Variants in YTHDC1 observed in about 807,000 individuals in gnomAD.
YTHDC1 encodes YTH domain-containing protein 1.
A neutral mutation model predicts 107.0 loss-of-function variants in YTHDC1; 12 were observed. The observed-to-expected ratio is 0.11, with a 90% CI of 0.07 to 0.18. The LOEUF is 0.18. YTHDC1 is among the 10% of genes least tolerant of loss of function. The pLI is 1.00. For missense variants in YTHDC1, 635 were observed against 898.8 expected, an observed-to-expected ratio of 0.71 and a Z score of 3.75; for synonymous variants, 280 against 289.5, an observed-to-expected ratio of 0.97 and a Z score of 0.33.
intron 10 of YTHDC1, among the ~76,000 whole-genome samples, chr4:68,323,321 A>G (rs1330203907): frequency 6.6e-6 from 1 of 152,242 alleles, no homozygotes; most frequent in East Asian, 1.9e-4. Context: ...GAAATACATT[A>G]GATTTACCAC....
In YTHDC1 at chr4:68,329,248, C is replaced by A. The variant is rs114306980; in HGVS notation, c.1349+754G>T. Among the ~76,000 whole-genome samples the A allele has an allele frequency of 4.6e-3, 700 of 152,246 alleles. 3 individuals are homozygous for A. Among genetic ancestry groups the A allele is most frequent in the South Asian group, 0.031 (149 of 4,828 alleles). On this transcript the variant is annotated intron_variant, in intron 9 of 16. Coordinates refer to ENST00000344157, the MANE Select transcript of YTHDC1 (RefSeq NM_001031732.4). ...CCATATGCCCTCCCACTGCTCCCCACAACCCTGCAACCCCATAGTTTGTTT... is the reference window on the plus strand; with the variant it reads ...CCATATGCCCTCCCACTGCTCCCCAAAACCCTGCAACCCCATAGTTTGTTT...
chr4:68,327,377 GA>G (rs891146866), intron 9 of YTHDC1, among the ~76,000 whole-genome samples: 15 of 151,892 alleles, frequency 9.9e-5, no homozygotes, highest in African/African-American at 3.6e-4. Flanking sequence ...GCCTTATTTT[GA>G]GCTAATTACA....
Position 68,316,377 on chromosome 4 carries a change from A to G in YTHDC1, c.1896T>C (p.Ala632=). The stretch of plus-strand genomic sequence containing the variant: ...GATGATGTCCTGAGTAAGGGGGATG[A>G]GCTTGAGGAGGTGGAGCATGGTGCT... ...YYQHHAPPPQ[A]HPPYSGHHPV... The change falls in exon 16 of 17, where the codon GCT becomes GCC. Residue 632 remains alanine (A), a synonymous_variant. Transcript: ENST00000344157. 1.2e-6 allele frequency: 2 copies of G among 1,614,054 alleles called. No individual in the cohort carries two copies. The highest frequency in any genetic ancestry group is 1.7e-6 in the Non-Finnish European group (2 of 1,179,952).
rs146059559 is a variant in YTHDC1 at position 68,314,225 on chromosome 4, C to T, written c.2058G>A (p.Glu686=). 9.9e-6 allele frequency: 16 copies of T among 1,613,840 alleles called. No homozygotes were observed. The highest frequency in any genetic ancestry group is 1.4e-5 in the Non-Finnish European group (16 of 1,179,910). The change falls in exon 17 of 17, where the codon GAG becomes GAA. Residue 686 remains glutamate (E), a synonymous_variant. Transcript: ENST00000344157. Reference sequence around the variant, plus strand: ...GTCTGTTATCTCTAGGGCGGTCTCGCTCTCGTTCCCGGTCTCTTTCACGGG... The same window carrying T: ...GTCTGTTATCTCTAGGGCGGTCTCGTTCTCGTTCCCGGTCTCTTTCACGGG... ...SRPRERDRER[E]RDRPRDNRRD...
chr4:68,327,873 A>G (rs1723168214), intron 9 of YTHDC1, among the ~76,000 whole-genome samples: 1 of 152,202 alleles, frequency 6.6e-6, no homozygotes. Context: ...TTACACTTGA[A>G]TAGAACTTGA....
Position 68,316,342 on chromosome 4 carries a change from T to C in YTHDC1, c.1931A>G (p.His644Arg). 1 of 1,613,768 alleles carries C rather than the reference T, an allele frequency of 6.2e-7. No individual in the cohort carries two copies. Among genetic ancestry groups the C allele is most frequent in the Non-Finnish European group, 8.5e-7 (1 of 1,179,792 alleles). The change falls in exon 16 of 17, where the codon CAT (histidine) becomes CGT (arginine). Residue 644 changes from histidine to arginine, a missense_variant. Physicochemically the swap from His to Arg is conservative, Grantham distance 29. Coordinates refer to ENST00000344157, the MANE Select transcript of YTHDC1 (RefSeq NM_001031732.4). ...TCGTTTATCTCTGTATCTTGCTTCA[T>C]GTGGTACTGGATGATGTCCTGAGTA... ...PPYSGHHPVP[H>R]EARYRDKRVH...
intron 1 of YTHDC1, 130 bp downstream of exon 1, chr4:68,349,593 GGGC>G: frequency 7.5e-7 from 1 of 1,332,648 alleles, no homozygotes; most frequent in Non-Finnish European, 1.0e-6. Context: ...GTCTCGGTGG[GGGC>G]CACCGGCTCC....
intron 7 of YTHDC1, among the ~76,000 whole-genome samples, chr4:68,331,880 T>C (rs1723619743): frequency 6.6e-6 from 1 of 151,192 alleles, no homozygotes; most frequent in Non-Finnish European, 1.5e-5. Flanking sequence ...GCCTTCAACA[T>C]TTAATATTCT....
At position 68,312,806 on chromosome 4, in the gene YTHDC1, G is replaced by A. The variant is rs1001755411; in HGVS notation, c.*1293C>T. 1 of 151,984 alleles carries A rather than the reference G, an allele frequency of 6.6e-6. No individual in the cohort carries two copies. The highest frequency in any genetic ancestry group is 2.1e-4 in the South Asian group (1 of 4,820). The allele number at this position is 151,984 out of a possible 1,614,324, so 9.4% of individuals were successfully genotyped here. A position where few individuals can be genotyped will look rare whatever the true frequency, so the allele number is the denominator to read the frequency against. On this transcript the variant is annotated 3_prime_UTR_variant, in exon 17 of 17. Coordinates refer to ENST00000344157, the MANE Select transcript of YTHDC1 (RefSeq NM_001031732.4). ...TCAAATATTCCTAATGTTTATAAAG[G>A]CCAAATTCCAAAGGCCAAAACTCCA...
intron 9 of YTHDC1, 76 bp from the exon 10 acceptor site, chr4:68,324,299 T>A: frequency 7.8e-7 from 1 of 1,287,874 alleles, no homozygotes; most frequent in Non-Finnish European, 1.1e-6. Flanking sequence ...AGTAGTGAAT[T>A]CCTGTATTAA....
intron 4 of YTHDC1, 92 bp downstream of exon 4, chr4:68,336,935 A>G: frequency 6.8e-7 from 1 of 1,460,856 alleles, no homozygotes; most frequent in Non-Finnish European, 9.1e-7. Context: ...AATATCCCCC[A>G]TCTCCTCAAC....
intron 9 of YTHDC1, among the ~76,000 whole-genome samples, chr4:68,328,877 A>G (rs190244858): frequency 1.0e-3 from 152 of 152,354 alleles, no homozygotes; most frequent in Middle Eastern, 3.4e-3. Context: ...TCTGCACAGC[A>G]TGTTACTGTA....
At chr4:68,334,383 C>G (rs1024074770) in intron 4 of YTHDC1, among the ~76,000 whole-genome samples, 6 of 152,044 alleles carry the variant, frequency 3.9e-5, no homozygotes, top group African/African-American at 1.5e-4. Context: ...ATTCTCATAA[C>G]AAGTTCACAA....
rs1415390662 is a variant in YTHDC1 at position 68,313,965 on chromosome 4, G to T, written c.*134C>A. The T allele has an allele frequency of 4.3e-6, 4 of 929,314 alleles. No individual in the cohort carries two copies. Among genetic ancestry groups the T allele is most frequent in the Non-Finnish European group, 6.6e-6 (4 of 609,312 alleles). 57.6% of individuals were successfully genotyped at this position (929,314 alleles called of 1,614,324 possible). A position where few individuals can be genotyped will look rare whatever the true frequency, so the allele number is the denominator to read the frequency against. On this transcript the variant is annotated 3_prime_UTR_variant, in exon 17 of 17. Coordinates refer to ENST00000344157, the MANE Select transcript of YTHDC1 (RefSeq NM_001031732.4). Reference sequence around the variant, plus strand: ...ATACTGCATGCTTGGAACAAAGGGGGTCATAATAAATCCTTCTACACAATG... The same window carrying T: ...ATACTGCATGCTTGGAACAAAGGGGTTCATAATAAATCCTTCTACACAATG...
chr4:68,337,213 C>T lies in YTHDC1; in HGVS notation c.697G>A (p.Glu233Lys). ...TCCTCTTCCTCCTCCTCCTCTTCCT[C>T]CTCCTCCTCTCCATCTTCATCCACC... ...EEVDEDGEEE[E>K]EEEEEEEEEE... Residue 233 changes from glutamate to lysine, a missense_variant, in exon 4 of 17, where the codon GAG (glutamate) becomes AAG (lysine). Glu to Lys is a moderately conservative substitution (Grantham distance 56, BLOSUM62 1). Coordinates refer to ENST00000344157, the MANE Select transcript of YTHDC1 (RefSeq NM_001031732.4). 6.2e-7 allele frequency: 1 copy of T among 1,602,976 alleles called. No homozygotes were observed. The highest frequency in any genetic ancestry group is 8.5e-7 in the Non-Finnish European group (1 of 1,170,764).
At position 68,320,179 on chromosome 4, in the gene YTHDC1, T is replaced by C; in HGVS notation, c.1628A>G (p.His543Arg). Residue 543 changes from histidine to arginine, a missense_variant, in exon 12 of 17, where the codon CAT becomes CGT. By Grantham distance (29) the His-to-Arg change is conservative (BLOSUM62 0). Around this residue, in one of 5 missense-constraint regions of YTHDC1, gnomAD observed 256 missense variants for 372.9 expected, o/e 0.69. Transcript: ENST00000344157. ...AATCCTTGGTTTCTTTCTGCTGTTA[T>C]GAATATCATAATCTTCTGGTCGACG... ...GRRRPEDYDI[H>R]NSRKKPRIDY... is the part of the protein sequence containing the mutation. 6.2e-7 allele frequency: 1 copy of C among 1,610,276 alleles called. No homozygotes were observed. The highest frequency in any genetic ancestry group is 8.5e-7 in the Non-Finnish European group (1 of 1,179,100).
chr4:68,335,654 T>C (rs1003000866), intron 4 of YTHDC1, among the ~76,000 whole-genome samples: 2 of 152,086 alleles, frequency 1.3e-5, no homozygotes, highest in Non-Finnish European at 2.9e-5. Context: ...CAACAAAACG[T>C]TCCCTACCCA....
chr4:68,317,789 CATG>C (rs1315849837), intron 15 of YTHDC1, among the ~76,000 whole-genome samples: 2 of 152,078 alleles, frequency 1.3e-5, no homozygotes, highest in African/African-American at 4.8e-5. Context: ...TTTCATTCAC[CATG>C]ATATAATCAG....
At position 68,337,311 on chromosome 4, in the gene YTHDC1, T is replaced by C. The variant is rs775841814; in HGVS notation, c.599A>G (p.Asn200Ser). ...SSDEQGNNTE[N>S]EEEGVEEDVE... is the part of the protein sequence containing the mutation. ...ATCTTCTTCCACTCCTTCCTCCTCA[T>C]TCTCAGTGTTGTTCCCTTGCTCATC... The change falls in exon 4 of 17, where the codon AAT becomes AGT. Residue 200 changes from asparagine to serine, a missense_variant. Around this residue, in one of 5 missense-constraint regions of YTHDC1, gnomAD observed 294 missense variants for 312.3 expected, o/e 0.94. Coordinates refer to ENST00000344157, the MANE Select transcript of YTHDC1 (RefSeq NM_001031732.4). The C allele has an allele frequency of 1.2e-6, 2 of 1,613,976 alleles. No homozygotes were observed. Among genetic ancestry groups the C allele is most frequent in the South Asian group, 2.2e-5 (2 of 91,068 alleles).
Sources: gnomAD v4.1 joint callset for allele counts (sites outside exome capture counted in the v4.1 genomes callset) on GRCh38, gnomAD v4.1.1 for gene constraint, gnomAD v4.1.1 regional missense constraint, MANE v1.5 for transcripts, NCBI Gene and HGNC (gene_info 2026-07-23, HGNC 2026-07-21) for gene names.